Variants in FREM2 observed in about 807,000 individuals in gnomAD.
FREM2 encodes FRAS1 related extracellular matrix 2.
FREM2 carries 119 observed loss-of-function variants against 219.9 expected under a neutral mutation model. That is an observed-to-expected ratio of 0.54 (90% CI 0.47 to 0.63). The LOEUF is 0.63. FREM2 is among the 30% of genes least tolerant of loss of function. The pLI is 0.00. For synonymous variants in FREM2, 1,562 were observed against 1,522.8 expected (o/e 1.03, Z -0.60); for missense variants, 4,030 against 3,993.6 (o/e 1.01, Z -0.25).
At chr13:38,862,489 G>C (rs966814105) in intron 15 of FREM2, among the ~76,000 whole-genome samples, 2 of 152,164 alleles carry the variant, frequency 1.3e-5, no homozygotes, top group Admixed American at 6.5e-5. Context: ...AAGAAAGAGT[G>C]GTCTCTTCTG....
chr13:38,715,022 G>A (rs1870941263), intron 2 of FREM2, among the ~76,000 whole-genome samples: 4 of 152,116 alleles, frequency 2.6e-5, no homozygotes, highest in Non-Finnish European at 5.9e-5. Flanking sequence ...AACCTGGGAG[G>A]TGGAGGTTAC....
At chr13:38,776,179 T>C (rs1011713532) in intron 4 of FREM2, among the ~76,000 whole-genome samples, 8 of 152,224 alleles carry the variant, frequency 5.3e-5, no homozygotes, top group Non-Finnish European at 8.8e-5. Context: ...CTGTATTCAA[T>C]GCCACTTGTT....
At chr13:38,835,936 C>A (rs925234080) in intron 6 of FREM2, among the ~76,000 whole-genome samples, 33 of 152,170 alleles carry the variant, frequency 2.2e-4, no homozygotes, top group African/African-American at 8.0e-4. Context: ...ACCTTTATTT[C>A]TTTCCCTTGC....
chr13:38,736,603 T>TTATA (rs1488832922), intron 2 of FREM2, among the ~76,000 whole-genome samples: 2 of 152,210 alleles, frequency 1.3e-5, no homozygotes, highest in Non-Finnish European at 2.9e-5. Flanking sequence ...CAGCAAGATC[T>TTATA]TATATAGTAA....
In FREM2 at chr13:38,771,117, A is replaced by C. The variant is rs572193879; in HGVS notation, c.5641+1309A>C. Among the ~76,000 whole-genome samples, 43 of 152,352 alleles carry C rather than the reference A, an allele frequency of 2.8e-4. 1 individual carries two copies. The South Asian group carries it at 8.5e-3, about 30-fold the overall frequency. On this transcript the variant is annotated intron_variant, in intron 4 of 23. Transcript: ENST00000280481. ...AGACTAAGCATAATTAAAGAAAGTG[A>C]ATAAGAAAACTGGAGCTCTGACATC...
At chr13:38,844,492 G>A (rs982701151) in intron 6 of FREM2, among the ~76,000 whole-genome samples, 1 of 152,154 alleles carries the variant, frequency 6.6e-6, no homozygotes, top group Non-Finnish European at 1.5e-5. Flanking sequence ...TACGTGTTTT[G>A]GAGTTGACAG....
rs572496991 is a variant in FREM2, at chr13:38,864,198, G to A, written c.7652-77G>A. On this transcript the variant is annotated intron_variant, in intron 15 of 23. Transcript: ENST00000280481. ...CATTTTATGACACTTGTTTTCTTAA[G>A]AGATAAAGAAGTTTTAAAGTGTTCA... The A allele has an allele frequency of 4.0e-5, 44 of 1,092,840 alleles. No homozygotes were observed. The African/African-American group carries it at 5.3e-4, about 13-fold the overall frequency. The allele number at this position is 1,092,840 out of a possible 1,614,324, so 67.7% of individuals were successfully genotyped here.
At chr13:38,826,878 A>G (rs1041143701) in intron 6 of FREM2, among the ~76,000 whole-genome samples, 2 of 152,114 alleles carry the variant, frequency 1.3e-5, no homozygotes, top group African/African-American at 4.8e-5. Context: ...ATAAAGTGAC[A>G]TCTCATTTTA....
At chr13:38,828,782 T>C (rs1373012973) in intron 6 of FREM2, among the ~76,000 whole-genome samples, 1 of 152,106 alleles carries the variant, frequency 6.6e-6, no homozygotes, top group African/African-American at 2.4e-5. Flanking sequence ...TTCATGTCAA[T>C]GCATATAAAC....
Position 38,883,663 on chromosome 13 carries a change from C to T in FREM2, c.*2876C>T, listed in dbSNP as rs1459476832. ...TCTGAGGGATTGCATAGAAACCAAGCTCCACTTGCTGTCCTTGGGAAGGTT... is the reference window on the plus strand; with the variant it reads ...TCTGAGGGATTGCATAGAAACCAAGTTCCACTTGCTGTCCTTGGGAAGGTT... On this transcript the variant is annotated 3_prime_UTR_variant, in exon 24 of 24. Transcript: ENST00000280481. The T allele has an allele frequency of 1.3e-5, 2 of 152,176 alleles. No individual in the cohort carries two copies. 9.4% of individuals were successfully genotyped at this position (152,176 alleles called of 1,614,324 possible).
chr13:38,795,790 G>A (rs1874747795), intron 6 of FREM2, among the ~76,000 whole-genome samples: 2 of 151,986 alleles, frequency 1.3e-5, no homozygotes, highest in Non-Finnish European at 2.9e-5. Context: ...TCTATTCTCT[G>A]TCTCAATGGG....
At position 38,692,291 on chromosome 13, in the gene FREM2, G is replaced by A. The variant is rs753082667; in HGVS notation, c.4947G>A (p.Leu1649=). The A allele has an allele frequency of 6.2e-7, 1 of 1,613,056 alleles. No individual in the cohort carries two copies. The highest frequency in any genetic ancestry group is 2.2e-5 in the East Asian group (1 of 44,862). ...RRPQVMKIQV[L]AVDNSVPQIA... ...CCCAAGTGATGAAGATCCAGGTCTT[G>A]GCTGTTGACAACAGTGTCCCCCAAA... The change falls in exon 1 of 24, where the codon TTG becomes TTA. Residue 1649 remains leucine (L), a synonymous_variant. Coordinates refer to ENST00000280481, the MANE Select transcript of FREM2 (RefSeq NM_207361.6).
chr13:38,744,819 C>G (rs1366112504), intron 2 of FREM2, among the ~76,000 whole-genome samples: 2 of 152,172 alleles, frequency 1.3e-5, no homozygotes, highest in African/African-American at 4.8e-5. Flanking sequence ...AGTAAACAGC[C>G]AACACTTTAA....
At chr13:38,814,814 G>A (rs1024615800) in intron 6 of FREM2, among the ~76,000 whole-genome samples, 2 of 152,036 alleles carry the variant, frequency 1.3e-5, no homozygotes, top group Admixed American at 6.6e-5. Context: ...TCCCCTTTTC[G>A]CAGTCAGAGG....
intron 16 of FREM2, among the ~76,000 whole-genome samples, chr13:38,868,224 C>G (rs1878038062): frequency 6.6e-6 from 1 of 152,158 alleles, no homozygotes; most frequent in African/African-American, 2.4e-5. Flanking sequence ...TAATTTTCCT[C>G]CATTAGTTTT....
chr13:38,883,220 A>G lies in FREM2; in HGVS notation c.*2433A>G, dbSNP rs574736382. 3.9e-5 allele frequency: 6 copies of G among 152,166 alleles called. No homozygotes were observed. In the South Asian group the frequency reaches 1.2e-3, roughly 32 times the overall value. 9.4% of individuals were successfully genotyped at this position (152,166 alleles called of 1,614,324 possible). A position where few individuals can be genotyped will look rare whatever the true frequency, so the allele number is the denominator to read the frequency against. On this transcript the variant is annotated 3_prime_UTR_variant, in exon 24 of 24. Transcript: ENST00000280481. ...TATAAAGTACTTGGGATTTTGCATT[A>G]TTTTTCTTAATATCTATTTACTAAG... is the stretch of plus-strand genomic sequence containing the variant.
intron 18 of FREM2, among the ~76,000 whole-genome samples, chr13:38,875,318 TA>T (rs981818495): frequency 1.3e-5 from 2 of 152,154 alleles, no homozygotes; most frequent in African/African-American, 4.8e-5. Flanking sequence ...AACATCTTTA[TA>T]GCTTTTCTTT....
intron 2 of FREM2, among the ~76,000 whole-genome samples, chr13:38,743,387 A>G (rs1007008110): frequency 1.3e-5 from 2 of 151,880 alleles, no homozygotes; most frequent in Non-Finnish European, 2.9e-5. Context: ...CTCTGAGCCT[A>G]TGGAATTTAG....
intron 2 of FREM2, among the ~76,000 whole-genome samples, chr13:38,738,565 C>CAA (rs71074478): frequency 1.9e-3 from 91 of 48,234 alleles, no homozygotes; most frequent in Admixed American, 2.9e-3. Flanking sequence ...GACTCCATCT[C>CAA]AAAAAAAAAA....
Sources: gnomAD v4.1 joint callset for allele counts (sites outside exome capture counted in the v4.1 genomes callset) on GRCh38, gnomAD v4.1.1 for gene constraint, MANE v1.5 for transcripts, NCBI Gene and HGNC (gene_info 2026-07-23, HGNC 2026-07-21) for gene names.